EPHA3: variants seen among roughly 807,000 people sequenced by gnomAD.
EPHA3 encodes the protein ephrin type-A receptor 3.
EPHA3 carries 42 observed loss-of-function variants against 107.1 expected under a neutral mutation model. The observed-to-expected ratio is 0.39, with a 90% CI of 0.31 to 0.51. EPHA3 has a LOEUF of 0.51. Ranked by LOEUF, EPHA3 falls within the 20% of genes least tolerant of loss-of-function variation. EPHA3 has a pLI of 0.78. For missense variants in EPHA3, 1,183 were observed against 1,211.2 expected (o/e 0.98, Z 0.35); for synonymous variants, 461 against 424.8 (o/e 1.09, Z -1.05).
chr3:89,290,597 T>C (rs1208373349), intron 3 of EPHA3, among the ~76,000 whole-genome samples: 4 of 152,184 alleles, frequency 2.6e-5, no homozygotes, highest in East Asian at 1.9e-4. Context: ...AGTGTCATTA[T>C]GTGTTTGGTT....
At chr3:89,303,037 T>C in intron 3 of EPHA3, among the ~76,000 whole-genome samples, 1 of 151,972 alleles carries the variant, frequency 6.6e-6, no homozygotes, top group Non-Finnish European at 1.5e-5. Flanking sequence ...GGATTACTGG[T>C]ATCTGCTACC....
chr3:89,439,221 CA>C (rs1412040192), intron 13 of EPHA3, among the ~76,000 whole-genome samples: 3 of 152,114 alleles, frequency 2.0e-5, no homozygotes, highest in Admixed American at 6.5e-5. Context: ...GCACTGATTC[CA>C]AGAGGCCCAC....
chr3:89,360,806 T>A (rs1374269796), intron 5 of EPHA3, among the ~76,000 whole-genome samples: 4 of 151,278 alleles, frequency 2.6e-5, no homozygotes, highest in African/African-American at 9.7e-5. Context: ...TGCAGTTTTT[T>A]AAATTATGTC....
intron 3 of EPHA3, among the ~76,000 whole-genome samples, chr3:89,258,244 C>T (rs552730695): frequency 6.6e-6 from 1 of 152,236 alleles, no homozygotes; most frequent in East Asian, 1.9e-4. Context: ...ATGGGGGAGA[C>T]ATGGAGCTAT....
At chr3:89,460,072 G>C (rs1449070625) in intron 15 of EPHA3, among the ~76,000 whole-genome samples, 2 of 151,954 alleles carry the variant, frequency 1.3e-5, no homozygotes, top group Non-Finnish European at 2.9e-5. Context: ...AGAAAAATGA[G>C]AATGTGTTTC....
chr3:89,141,673 T>C (rs189028950), intron 2 of EPHA3, among the ~76,000 whole-genome samples: 2 of 151,718 alleles, frequency 1.3e-5, no homozygotes, highest in Admixed American at 6.6e-5. Context: ...TGGCTTGGTA[T>C]TATGAAAGTT....
chr3:89,359,728 T>TACATATATAC lies in EPHA3; in HGVS notation c.1306+17672_1306+17681dup, dbSNP rs956421081. Among the ~76,000 whole-genome samples the TACATATATAC allele has an allele frequency of 1.7e-4, 21 of 122,700 alleles. 2 individuals carry two copies. Among genetic ancestry groups the TACATATATAC allele is most frequent in the African/African-American group, 5.0e-4 (16 of 32,058 alleles). 80.5% of individuals were successfully genotyped at this position (122,700 alleles called of 152,430 possible). On this transcript the variant is annotated intron_variant, in intron 5 of 16. Transcript: ENST00000336596. ...TTGTGTGTGTGTATATATATATACA[T>TACATATATAC]ACATATATACACATATATACACATA...
At chr3:89,410,004 CA>C (rs1354860006) in intron 9 of EPHA3, among the ~76,000 whole-genome samples, 8 of 151,978 alleles carry the variant, frequency 5.3e-5, no homozygotes, top group African/African-American at 1.9e-4. Flanking sequence ...TGACAGAGCC[CA>C]GTTACTCTGT....
chr3:89,442,879 C>A (rs1019775256), intron 13 of EPHA3, among the ~76,000 whole-genome samples: 1 of 152,298 alleles, frequency 6.6e-6, no homozygotes, highest in Middle Eastern at 3.4e-3. Flanking sequence ...GTTAAAATTT[C>A]ATTTTCATTT....
At chr3:89,281,503 T>TAAA (rs1705947636) in intron 3 of EPHA3, among the ~76,000 whole-genome samples, 2 of 152,168 alleles carry the variant, frequency 1.3e-5, no homozygotes, top group African/African-American at 4.8e-5. Context: ...TACTGTGCCC[T>TAAA]AAAATATTAA....
At chr3:89,110,457 C>A (rs1308530549) in intron 1 of EPHA3, among the ~76,000 whole-genome samples, 1 of 151,824 alleles carries the variant, frequency 6.6e-6, no homozygotes, top group African/African-American at 2.4e-5. Context: ...AATTTTCCTT[C>A]TATTAATGTA....
chr3:89,324,788 T>C (rs1314947166), intron 3 of EPHA3, among the ~76,000 whole-genome samples: 2 of 152,176 alleles, frequency 1.3e-5, no homozygotes, highest in Non-Finnish European at 2.9e-5. Flanking sequence ...ATTTCGGATA[T>C]GAATGATCCC....
intron 11 of EPHA3, among the ~76,000 whole-genome samples, chr3:89,423,614 C>G (rs1709396188): frequency 6.6e-6 from 1 of 151,230 alleles, no homozygotes; most frequent in African/African-American, 2.4e-5. Flanking sequence ...AAAATGAGTT[C>G]AGAACATGTC....
chr3:89,166,795 T>C (rs1443768477), intron 2 of EPHA3, among the ~76,000 whole-genome samples: 1 of 152,194 alleles, frequency 6.6e-6, no homozygotes, highest in East Asian at 1.9e-4. Flanking sequence ...TTTTATTAAA[T>C]TGACCTGACA....
At chr3:89,408,462 T>G (rs1709095783) in intron 9 of EPHA3, among the ~76,000 whole-genome samples, 1 of 152,078 alleles carries the variant, frequency 6.6e-6, no homozygotes, top group Non-Finnish European at 1.5e-5. Context: ...TTACTAGTCC[T>G]TTGCTAAACT....
At chr3:89,113,934 A>G (rs901054835) in intron 1 of EPHA3, among the ~76,000 whole-genome samples, 3 of 152,188 alleles carry the variant, frequency 2.0e-5, no homozygotes, top group African/African-American at 7.2e-5. Flanking sequence ...TAAAGCCTCA[A>G]ATTTGAAGTG....
chr3:89,347,928 T>C (rs951363189), intron 5 of EPHA3, among the ~76,000 whole-genome samples: 2 of 151,334 alleles, frequency 1.3e-5, no homozygotes, highest in Admixed American at 1.3e-4. Flanking sequence ...TATTGATTTG[T>C]GTATATTGGA....
chr3:89,123,349 G>A (rs62274615), intron 1 of EPHA3, among the ~76,000 whole-genome samples: 234 of 152,238 alleles, frequency 1.5e-3, no homozygotes, highest in Non-Finnish European at 2.6e-3. Flanking sequence ...CGCCATGTTG[G>A]CCAGGCTGGT....
At chr3:89,351,473 G>C (rs1005166054) in intron 5 of EPHA3, among the ~76,000 whole-genome samples, 2 of 150,314 alleles carry the variant, frequency 1.3e-5, no homozygotes, top group African/African-American at 4.8e-5. Flanking sequence ...CCCTGCTTCG[G>C]CTCGCGCACG....
Sources: gnomAD v4.1 joint callset for allele counts (sites outside exome capture counted in the v4.1 genomes callset) on GRCh38, gnomAD v4.1.1 for gene constraint, MANE v1.5 for transcripts, NCBI Gene and HGNC (gene_info 2026-07-23, HGNC 2026-07-21) for gene names.